CGREF1: variants seen among roughly 807,000 people sequenced by gnomAD.
The protein encoded by CGREF1 is cell growth regulator with EF hand domain protein 1.
In CGREF1, 16 loss-of-function variants were observed where a neutral mutation model predicts 17.4. The ratio of observed to expected loss-of-function variants is 0.92; its 90% CI spans 0.62 to 1.40. The LOEUF (loss-of-function observed/expected upper bound fraction) is 1.40, where lower values mean the gene tolerates loss of function less well. Ranked by LOEUF, CGREF1 falls within the 40% of genes most tolerant of loss-of-function variation. The pLI, the probability that CGREF1 is intolerant of heterozygous loss-of-function variation, is 0.00. For synonymous variants in CGREF1, 142 were observed against 154.6 expected, an observed-to-expected ratio of 0.92 and a Z score of 0.61; for missense variants, 296 against 376.4, an observed-to-expected ratio of 0.79 and a Z score of 1.77.
chr2:27,100,289 T>TG (rs962366693), downstream of CGREF1: 4 of 480,822 alleles, frequency 8.3e-6, no homozygotes, highest in African/African-American at 2.0e-5. Context: ...GACAGGCCAG[T>TG]GGGGGGCAGG....
At chr2:27,099,887 C>T (rs1572884062), downstream of CGREF1, 2 of 1,543,906 alleles carry the variant, frequency 1.3e-6, no homozygotes, top group East Asian at 4.9e-5. Flanking sequence ...CTGCCTGTGT[C>T]CTGTGTTCCC....
rs34400677 is a variant in CGREF1 at position 27,101,068 on chromosome 2, G to GC, written c.*205dup. ...GGCAGGCTGGACGGGTAGAGAGGTGGCCGGGGGGATGAATTCATTCAGTTC... is the reference window on the plus strand; with the variant it reads ...GGCAGGCTGGACGGGTAGAGAGGTGGCCCGGGGGGATGAATTCATTCAGTTC... On this transcript the variant is annotated 3_prime_UTR_variant, in exon 6 of 6. Transcript: ENST00000402394. 0.62 allele frequency: 839,118 copies of GC among 1,347,764 alleles called. 263,688 individuals are homozygous for GC. The highest frequency in any genetic ancestry group is 0.78 in the East Asian group (28,039 of 35,926). The allele number at this position is 1,347,764 out of a possible 1,614,324, so 83.5% of individuals were successfully genotyped here. A position where few individuals can be genotyped will look rare whatever the true frequency, so the allele number is the denominator to read the frequency against.
intron 3 of CGREF1, 28 bp from the exon 4 acceptor site, chr2:27,102,458 G>C: frequency 3.1e-6 from 5 of 1,613,662 alleles, no homozygotes; most frequent in Non-Finnish European, 4.2e-6. Flanking sequence ...AATCAGCCCG[G>C]GAGAGGTGAG....
chr2:27,110,936 G>T (rs1671348472), intron 1 of CGREF1: 1 of 152,512 alleles, frequency 6.6e-6, no homozygotes, highest in Non-Finnish European at 1.5e-5. Flanking sequence ...TTCTCCCAGT[G>T]GGTTCGTGAT....
intron 1 of CGREF1, among the ~76,000 whole-genome samples, chr2:27,116,871 T>TTCTCTCTCTCTCTCTCTCTC (rs537582075): frequency 3.1e-3 from 104 of 33,642 alleles, no homozygotes; most frequent in South Asian, 4.7e-3. Context: ...GCCAGGCCTA[T>TTCTCTCTCTCTCTCTCTCTC]TCTCTCTCTC....
intron 1 of CGREF1, among the ~76,000 whole-genome samples, chr2:27,114,220 C>G (rs1671494929): frequency 6.6e-6 from 1 of 152,054 alleles, no homozygotes; most frequent in Non-Finnish European, 1.5e-5. Flanking sequence ...GTCTCGATCT[C>G]TTGACCTCGT....
chr2:27,099,454 G>A (rs745997707), downstream of CGREF1: 213 of 1,613,896 alleles, frequency 1.3e-4, no homozygotes, highest in Non-Finnish European at 1.6e-4. Flanking sequence ...TGAGGAGGGC[G>A]CCGACGCCCT....
Position 27,101,166 on chromosome 2 carries a change from A to C in CGREF1, c.*108T>G. 1.3e-6 allele frequency: 2 copies of C among 1,488,652 alleles called. No individual in the cohort carries two copies. Among genetic ancestry groups the C allele is most frequent in the Non-Finnish European group, 1.8e-6 (2 of 1,126,122 alleles). The allele number at this position is 1,488,652 out of a possible 1,614,324, so 92.2% of individuals were successfully genotyped here. On this transcript the variant is annotated 3_prime_UTR_variant, in exon 6 of 6. Coordinates refer to ENST00000402394, the MANE Select transcript of CGREF1 (RefSeq NM_006569.6). Reference sequence around the variant, plus strand: ...GAAAGACCTGATACCTACTGGGACCAGGCAGGGGGCACAGAGATGGTCCTT... The same window carrying C: ...GAAAGACCTGATACCTACTGGGACCCGGCAGGGGGCACAGAGATGGTCCTT...
At position 27,102,105 on chromosome 2, in the gene CGREF1, T is replaced by TGGTAGGAGAGTTGGC. The variant is rs1670901229; in HGVS notation, c.319_333dup (p.Ala107_Thr111dup). 12 of 1,605,682 alleles carry TGGTAGGAGAGTTGGC rather than the reference T, an allele frequency of 7.5e-6. No individual in the cohort carries two copies. The highest frequency in any genetic ancestry group is 1.6e-4 in the Middle Eastern group (1 of 6,064). On this transcript the variant is annotated inframe_insertion, in exon 5 of 6. Transcript: ENST00000402394. ...CATCCAGCAGAGCTTACCGGGTTGG[T>TGGTAGGAGAGTTGGC]GGTAGGAGAGTTGGCAGCTCCAGGG...
chr2:27,102,447 G>A lies in CGREF1; in HGVS notation c.147-17C>T. The A allele has an allele frequency of 6.2e-7, 1 of 1,614,008 alleles. No individual in the cohort carries two copies. The highest frequency in any genetic ancestry group is 8.5e-7 in the Non-Finnish European group (1 of 1,179,836). ...TGCAGAAGTCTGTCAGAAAAGTGGAGAATCAGCCCGGGAGAGGTGAGTCTG... is the reference window on the plus strand; with the variant it reads ...TGCAGAAGTCTGTCAGAAAAGTGGAAAATCAGCCCGGGAGAGGTGAGTCTG... On this transcript the variant is annotated splice_polypyrimidine_tract_variant and intron_variant, in intron 3 of 5. Coordinates refer to ENST00000402394, the MANE Select transcript of CGREF1 (RefSeq NM_006569.6).
chr2:27,099,384 T>C, downstream of CGREF1: 3 of 1,611,172 alleles, frequency 1.9e-6, no homozygotes, highest in South Asian at 1.1e-5. Flanking sequence ...GGGGACGGGG[T>C]GGGCTAACAC....
intron 1 of CGREF1, among the ~76,000 whole-genome samples, chr2:27,110,509 A>G (rs1671325824): frequency 6.6e-6 from 1 of 152,164 alleles, no homozygotes; most frequent in South Asian, 2.1e-4. Context: ...CAGAAATTAA[A>G]AACACAATAA....
intron 1 of CGREF1, among the ~76,000 whole-genome samples, chr2:27,118,391 T>C (rs1671666058): frequency 1.3e-5 from 2 of 151,928 alleles, no homozygotes; most frequent in Non-Finnish European, 2.9e-5. Context: ...CCAGCACCCA[T>C]CCCCCAAGAA....
At chr2:27,099,787 C>T (rs1670689412), downstream of CGREF1, 2 of 1,607,568 alleles carry the variant, frequency 1.2e-6, no homozygotes, top group Non-Finnish European at 1.7e-6. Context: ...ATGGAGACTA[C>T]CATTGCGGCT....
chr2:27,104,843 T>C (rs1357486282), intron 1 of CGREF1: 3 of 1,419,206 alleles, frequency 2.1e-6, no homozygotes, highest in Non-Finnish European at 2.8e-6. Context: ...AATGGACTGT[T>C]TGTGTTTATT....
At chr2:27,106,630 G>A (rs1387712312) in intron 1 of CGREF1, among the ~76,000 whole-genome samples, 1 of 152,026 alleles carries the variant, frequency 6.6e-6, no homozygotes, top group Non-Finnish European at 1.5e-5. Flanking sequence ...TGTTTTTTCT[G>A]GGATGGAGTC....
rs755620105 is a variant in CGREF1 at position 27,101,292 on chromosome 2, C to T, written c.939G>A (p.Val313=). Reference sequence around the variant, plus strand: ...TCAAGATCTAGATCTCATCATTCTCCACTTGAACAATGTGCACCTCAAAGT... The same window carrying T: ...TCAAGATCTAGATCTCATCATTCTCTACTTGAACAATGTGCACCTCAAAGT... The part of the protein sequence containing the change: ...QNDFEVHIVQ[V]ENDEI Residue 313 remains valine, a synonymous_variant, in exon 6 of 6, where the codon GTG becomes GTA. Transcript: ENST00000402394. The T allele has an allele frequency of 2.6e-6, 4 of 1,565,890 alleles. No homozygotes were observed. Among genetic ancestry groups the T allele is most frequent in the African/African-American group, 2.7e-5 (2 of 73,238 alleles).
At chr2:27,110,760 C>G (rs943220481) in intron 1 of CGREF1, 1 of 156,938 alleles carries the variant, frequency 6.4e-6, no homozygotes, top group Non-Finnish European at 1.4e-5. Flanking sequence ...TTGAGTGTTA[C>G]AGTTCCTAAA....
chr2:27,111,660 G>A (rs1001256333), intron 1 of CGREF1, among the ~76,000 whole-genome samples: 4 of 152,212 alleles, frequency 2.6e-5, no homozygotes, highest in Non-Finnish European at 5.9e-5. Context: ...TGCCCCGCGG[G>A]GAGGCAGCTG....
Sources: gnomAD v4.1 joint callset for allele counts (sites outside exome capture counted in the v4.1 genomes callset) on GRCh38, gnomAD v4.1.1 for gene constraint, MANE v1.5 for transcripts, NCBI Gene and HGNC (gene_info 2026-07-23, HGNC 2026-07-21) for gene names.